Variants in ADK observed in about 807,000 individuals in gnomAD.
The protein encoded by ADK is adenosine kinase, also known as N6,N6-dimethyladenosine kinase.
ADK carries 24 observed loss-of-function variants against 44.7 expected under a neutral mutation model. That is an observed-to-expected ratio of 0.54 (90% CI 0.39 to 0.76). ADK has a LOEUF of 0.76. ADK is among the 30% of genes least tolerant of loss of function. ADK has a pLI of 0.00. For missense variants in ADK, 321 were observed against 425.1 expected, an observed-to-expected ratio of 0.76 and a Z score of 2.15; for synonymous variants, 128 against 142.6, an observed-to-expected ratio of 0.90 and a Z score of 0.73.
chr10:74,581,007 C>A (rs1041190303), intron 7 of ADK, among the ~76,000 whole-genome samples: 2 of 141,698 alleles, frequency 1.4e-5, no homozygotes, highest in Non-Finnish European at 3.0e-5. Context: ...CTATCTCAGT[C>A]AATCAATAAT....
chr10:74,552,909 A>G (rs1384612363), intron 7 of ADK, among the ~76,000 whole-genome samples: 1 of 152,212 alleles, frequency 6.6e-6, no homozygotes, highest in Non-Finnish European at 1.5e-5. Flanking sequence ...TTGAATGGTT[A>G]AAATCAAAAG....
intron 6 of ADK, among the ~76,000 whole-genome samples, chr10:74,441,810 A>G (rs1200321552): frequency 1.3e-5 from 2 of 152,196 alleles, no homozygotes; most frequent in Non-Finnish European, 2.9e-5. Flanking sequence ...AACCCCATAT[A>G]TGATAAAAGG....
At chr10:74,397,915 A>G (rs949069466) in intron 5 of ADK, among the ~76,000 whole-genome samples, 3 of 152,208 alleles carry the variant, frequency 2.0e-5, no homozygotes, top group Non-Finnish European at 4.4e-5. Flanking sequence ...GGACTTTTCA[A>G]CTATAGAAAA....
intron 1 of ADK, among the ~76,000 whole-genome samples, chr10:74,186,178 C>G (rs1842754162): frequency 6.7e-6 from 1 of 149,326 alleles, no homozygotes; most frequent in African/African-American, 2.5e-5. Context: ...AAAGTCAAAT[C>G]AGCCTTCCCT....
At chr10:74,305,092 A>G (rs905132153) in intron 3 of ADK, among the ~76,000 whole-genome samples, 1 of 152,218 alleles carries the variant, frequency 6.6e-6, no homozygotes, top group Non-Finnish European at 1.5e-5. Flanking sequence ...AATACCTAAT[A>G]TAATGTAAAT....
At chr10:74,201,437 G>C (rs1449059028) in intron 2 of ADK, among the ~76,000 whole-genome samples, 1 of 152,096 alleles carries the variant, frequency 6.6e-6, no homozygotes, top group African/African-American at 2.4e-5. Context: ...GTTACCCATA[G>C]GACAGTGTAA....
At chr10:74,448,307 G>T (rs1411919321) in intron 6 of ADK, among the ~76,000 whole-genome samples, 4 of 152,222 alleles carry the variant, frequency 2.6e-5, no homozygotes, top group Admixed American at 6.5e-5. Context: ...TCTTAAAAAG[G>T]ATGGGAGTGT....
intron 7 of ADK, among the ~76,000 whole-genome samples, chr10:74,553,910 C>G (rs962285037): frequency 3.9e-5 from 6 of 152,040 alleles, no homozygotes; most frequent in African/African-American, 1.4e-4. Flanking sequence ...ACAGTAAATC[C>G]TACATCTCTA....
At chr10:74,280,154 TTTTG>T (rs1194411833) in intron 3 of ADK, among the ~76,000 whole-genome samples, 1 of 152,160 alleles carries the variant, frequency 6.6e-6, no homozygotes. Flanking sequence ...GTTTTTTGTT[TTTTG>T]TTTTGGAGCC....
intron 6 of ADK, among the ~76,000 whole-genome samples, chr10:74,416,015 TACAC>T (rs951562488): frequency 2.3e-5 from 3 of 129,240 alleles, no homozygotes; most frequent in Non-Finnish European, 5.0e-5. Context: ...CATTTATATA[TACAC>T]ACACATACAT....
chr10:74,226,982 AAC>A (rs139918133), intron 3 of ADK, among the ~76,000 whole-genome samples: 7,512 of 152,220 alleles, frequency 0.049, 641 homozygotes, highest in African/African-American at 0.17. Flanking sequence ...AAAAAATTAA[AAC>A]AGTTATTGAA....
At chr10:74,595,720 TGTG>T (rs1851897407) in intron 8 of ADK, among the ~76,000 whole-genome samples, 1 of 44 alleles carries the variant, frequency 0.023, no homozygotes, top group Non-Finnish European at 0.056. Flanking sequence ...TATGGCCGGG[TGTG>T]GTGGCTCCCA....
chr10:74,228,448 T>C (rs1844632065), intron 3 of ADK, among the ~76,000 whole-genome samples: 1 of 152,204 alleles, frequency 6.6e-6, no homozygotes, highest in East Asian at 1.9e-4. Context: ...GTTTTAGTTT[T>C]GTAAATGGAA....
At chr10:74,155,417 A>G (rs1841718136) in intron 1 of ADK, among the ~76,000 whole-genome samples, 1 of 152,092 alleles carries the variant, frequency 6.6e-6, no homozygotes. Context: ...TGGCTTCCCA[A>G]AGTGCTGGGA....
chr10:74,179,447 C>T (rs72816382), intron 1 of ADK, among the ~76,000 whole-genome samples: 2,476 of 152,168 alleles, frequency 0.016, 36 homozygotes, highest in Non-Finnish European at 0.023. Flanking sequence ...CACAAAGACC[C>T]TACAACAGGA....
chr10:74,282,934 T>G (rs1343627779), intron 3 of ADK, among the ~76,000 whole-genome samples: 2 of 152,134 alleles, frequency 1.3e-5, no homozygotes, highest in Non-Finnish European at 2.9e-5. Flanking sequence ...AAAAATACCA[T>G]GAGAGTAGTT....
chr10:74,566,440 G>A (rs1850672053), intron 7 of ADK, among the ~76,000 whole-genome samples: 1 of 152,012 alleles, frequency 6.6e-6, no homozygotes, highest in African/African-American at 2.4e-5. Flanking sequence ...CATGGGCTCA[G>A]GCAGTCCTTC....
intron 8 of ADK, among the ~76,000 whole-genome samples, chr10:74,594,478 A>G (rs1019907295): frequency 6.6e-6 from 1 of 152,074 alleles, no homozygotes; most frequent in African/African-American, 2.4e-5. Context: ...GATAGAACAT[A>G]TTTTTTTAAA....
intron 6 of ADK, among the ~76,000 whole-genome samples, chr10:74,402,448 CT>C (rs928468465): frequency 4.0e-5 from 6 of 151,416 alleles, no homozygotes; most frequent in South Asian, 4.2e-4. Flanking sequence ...TCTTTTTACT[CT>C]TTTTTTTTCT....
Sources: gnomAD v4.1 joint callset for allele counts (sites outside exome capture counted in the v4.1 genomes callset) on GRCh38, gnomAD v4.1.1 for gene constraint, MANE v1.5 for transcripts, NCBI Gene and HGNC (gene_info 2026-07-23, HGNC 2026-07-21) for gene names.